CACNG8: variants seen among roughly 807,000 people sequenced by gnomAD.
The protein encoded by CACNG8 is calcium voltage-gated channel auxiliary subunit gamma 8.
CACNG8 carries 5 observed loss-of-function variants against 26.9 expected under a neutral mutation model. The ratio of observed to expected loss-of-function variants is 0.19; its 90% CI spans 0.10 to 0.39. The LOEUF (loss-of-function observed/expected upper bound fraction) is 0.39. Ranked by LOEUF, CACNG8 falls within the 10% of genes least tolerant of loss-of-function variation. The pLI is 1.00. For synonymous variants in CACNG8, 321 were observed against 296.7 expected (o/e 1.08, Z -0.84); for missense variants, 473 against 609.4 (o/e 0.78, Z 2.36).
intron 1 of CACNG8, among the ~76,000 whole-genome samples, chr19:53,966,417 T>C (rs956124296): frequency 2.6e-5 from 4 of 152,016 alleles, no homozygotes; most frequent in Non-Finnish European, 5.9e-5. Flanking sequence ...GTTTTGTTTT[T>C]CTTTTTTTGT....
intron 3 of CACNG8, among the ~76,000 whole-genome samples, chr19:53,980,256 G>T (rs75921140): frequency 6.6e-6 from 1 of 152,068 alleles, no homozygotes; most frequent in Non-Finnish European, 1.5e-5. Flanking sequence ...AACCGACACA[G>T]GCAGGTGTCT....
chr19:53,979,124 G>C (rs1217540098), intron 2 of CACNG8, among the ~76,000 whole-genome samples: 2 of 143,822 alleles, frequency 1.4e-5, no homozygotes, highest in African/African-American at 2.5e-5. Context: ...GGTGGGGGTG[G>C]CTAGGAAGAC....
At chr19:53,978,897 G>T (rs982512221) in intron 2 of CACNG8, among the ~76,000 whole-genome samples, 1 of 146,052 alleles carries the variant, frequency 6.8e-6, no homozygotes, top group African/African-American at 2.5e-5. Flanking sequence ...GAAGGGAGAG[G>T]AAGGGAGTGA....
chr19:53,981,272 A>G (rs2069366175), intron 3 of CACNG8, among the ~76,000 whole-genome samples: 1 of 152,104 alleles, frequency 6.6e-6, no homozygotes, highest in African/African-American at 2.4e-5. Flanking sequence ...TTATAACGTT[A>G]AGGGTGGAGG....
At chr19:53,981,428 C>T (rs1164491608) in intron 3 of CACNG8, among the ~76,000 whole-genome samples, 3 of 151,522 alleles carry the variant, frequency 2.0e-5, no homozygotes, top group South Asian at 2.1e-4. Flanking sequence ...TACCACCAGC[C>T]AGGGTGGGGT....
chr19:53,981,010 G>A (rs927063293), intron 3 of CACNG8, among the ~76,000 whole-genome samples: 21 of 152,042 alleles, frequency 1.4e-4, no homozygotes, highest in African/African-American at 4.8e-4. Context: ...ACCCGAGACC[G>A]GCAAGGACCC....
In CACNG8 at chr19:53,963,116, A is replaced by C; in HGVS notation, c.-27A>C. 3 of 1,290,436 alleles carry C rather than the reference A, an allele frequency of 2.3e-6. No individual in the cohort carries two copies. The highest frequency in any genetic ancestry group is 3.0e-6 in the Non-Finnish European group (3 of 1,003,808). 79.9% of individuals were successfully genotyped at this position (1,290,436 alleles called of 1,614,324 possible). The stretch of plus-strand genomic sequence containing the variant: ...GCCCCCGCTGCCCCGGTGGTGGCCC[A>C]CGGCCCCCCGGCTGCCCGTGGTCAA... On this transcript the variant is annotated 5_prime_UTR_variant, in exon 1 of 4. Transcript: ENST00000270458.
intron 1 of CACNG8, among the ~76,000 whole-genome samples, chr19:53,972,061 A>G (rs2069305724): frequency 6.7e-6 from 1 of 150,084 alleles, no homozygotes. Context: ...CTGGCGTGAT[A>G]TCGGCTCACT....
intron 1 of CACNG8, among the ~76,000 whole-genome samples, chr19:53,976,165 G>A (rs2069329449): frequency 6.6e-6 from 1 of 152,160 alleles, no homozygotes; most frequent in Non-Finnish European, 1.5e-5. Flanking sequence ...GGCAAAGTGG[G>A]CAACATGGGG....
Position 53,988,271 on chromosome 19 carries a change from AGTGTGTGTGTGTGTGT to A in CACNG8, c.*5441_*5456del, listed in dbSNP as rs57220250. On this transcript the variant is annotated 3_prime_UTR_variant, in exon 4 of 4. Coordinates refer to ENST00000270458, the MANE Select transcript of CACNG8 (RefSeq NM_031895.6). ...GACAGAAGGAAAGGGAATTCAGGCA[AGTGTGTGTGTGTGTGT>A]GTGTGTGTGTGTGTGTGTAACTGAC... 2.1e-5 allele frequency: 3 copies of A among 144,250 alleles called. No individual in the cohort carries two copies. Among genetic ancestry groups the A allele is most frequent in the Admixed American group, 1.4e-4 (2 of 14,446 alleles). The allele number at this position is 144,250 out of a possible 1,614,324, so 8.9% of individuals were successfully genotyped here.
chr19:53,974,951 A>AT (rs1255231120), intron 1 of CACNG8, among the ~76,000 whole-genome samples: 7 of 139,492 alleles, frequency 5.0e-5, no homozygotes, highest in East Asian at 2.2e-4. Context: ...ATTTTATTTT[A>AT]TTTTTTTATT....
chr19:53,978,621 TA>T lies in CACNG8; in HGVS notation c.367+393del, dbSNP rs1261877908. 2.6e-5 allele frequency among the ~76,000 whole-genome samples: 4 copies of T among 151,180 alleles called. No homozygotes were observed. In the East Asian group the frequency reaches 7.9e-4, roughly 30 times the overall value. ...ACTGGGAGCCGGCTGGGAAAGCCTGTATTGCCATTGGTAGCTACCCCGAGAA... is the reference window on the plus strand; with the variant it reads ...ACTGGGAGCCGGCTGGGAAAGCCTGTTTGCCATTGGTAGCTACCCCGAGAA... On this transcript the variant is annotated intron_variant, in intron 2 of 3. Transcript: ENST00000270458.
intron 2 of CACNG8, among the ~76,000 whole-genome samples, chr19:53,979,595 G>A (rs1273781321): frequency 1.3e-5 from 2 of 151,242 alleles, no homozygotes; most frequent in Non-Finnish European, 2.9e-5. Context: ...ATAAAGAGGG[G>A]GAAAGATATT....
chr19:53,963,071 C>G lies in CACNG8; in HGVS notation c.-72C>G, dbSNP rs946762071. ...TTCTGCCTGCGCTGTGAACCCCCCC[C>G]CAGCCGCCGGCACGGCCCCGCCCCC... On this transcript the variant is annotated 5_prime_UTR_variant, in exon 1 of 4. Coordinates refer to ENST00000270458, the MANE Select transcript of CACNG8 (RefSeq NM_031895.6). 4.9e-6 allele frequency: 5 copies of G among 1,014,770 alleles called. No individual in the cohort carries two copies. Among genetic ancestry groups the G allele is most frequent in the Non-Finnish European group, 3.9e-6 (3 of 760,978 alleles). 62.9% of individuals were successfully genotyped at this position (1,014,770 alleles called of 1,614,324 possible). A position where few individuals can be genotyped will look rare whatever the true frequency, so the allele number is the denominator to read the frequency against.
chr19:53,983,028 A>T lies in CACNG8; in HGVS notation c.*179A>T, dbSNP rs1321027936. On this transcript the variant is annotated 3_prime_UTR_variant, in exon 4 of 4. Coordinates refer to ENST00000270458, the MANE Select transcript of CACNG8 (RefSeq NM_031895.6). ...CCCTCCGAAGCAGGGACCCCGAGGG[A>T]GGGGGCAGGGGAGGGAGGGGGCCGC... 1.9e-4 allele frequency: 21 copies of T among 108,140 alleles called. No homozygotes were observed. The highest frequency in any genetic ancestry group is 2.6e-4 in the Non-Finnish European group (17 of 65,894). 6.7% of individuals were successfully genotyped at this position (108,140 alleles called of 1,614,324 possible).
chr19:53,985,907 T>G lies in CACNG8; in HGVS notation c.*3058T>G. 1 of 145,946 alleles carries G rather than the reference T, an allele frequency of 6.9e-6. No homozygotes were observed. The highest frequency in any genetic ancestry group is 1.5e-5 in the Non-Finnish European group (1 of 67,096). The allele number at this position is 145,946 out of a possible 1,614,324, so 9.0% of individuals were successfully genotyped here. The stretch of plus-strand genomic sequence containing the variant: ...GGAGAGGGAACTGGTTAGGGGAGAA[T>G]GGATTCTAGAGTCTGAAGGCCAAAC... On this transcript the variant is annotated 3_prime_UTR_variant, in exon 4 of 4. Coordinates refer to ENST00000270458, the MANE Select transcript of CACNG8 (RefSeq NM_031895.6).
Position 53,963,133 on chromosome 19 carries a change from C to A in CACNG8, c.-10C>A, listed in dbSNP as rs575708501. 7 of 1,481,990 alleles carry A rather than the reference C, an allele frequency of 4.7e-6. No homozygotes were observed. The highest frequency in any genetic ancestry group is 5.7e-5 in the East Asian group (2 of 35,026). 91.8% of individuals were successfully genotyped at this position (1,481,990 alleles called of 1,614,324 possible). A position where few individuals can be genotyped will look rare whatever the true frequency, so the allele number is the denominator to read the frequency against. On this transcript the variant is annotated 5_prime_UTR_variant, in exon 1 of 4. Coordinates refer to ENST00000270458, the MANE Select transcript of CACNG8 (RefSeq NM_031895.6). ...GGTGGCCCACGGCCCCCCGGCTGCC[C>A]GTGGTCAAACTGGAGTCGCTGAAGC... is the stretch of plus-strand genomic sequence containing the variant.
In CACNG8 at chr19:53,988,079, G is replaced by T; in HGVS notation, c.*5230G>T. ...CAAGAAGGAGAGGAGACAGCCAGCT[G>T]TGCCAAGGGCTGCTGAGACTTGGAC... On this transcript the variant is annotated 3_prime_UTR_variant, in exon 4 of 4. Transcript: ENST00000270458. 6.6e-6 allele frequency: 1 copy of T among 152,618 alleles called. No individual in the cohort carries two copies. The allele number at this position is 152,618 out of a possible 1,614,324, so 9.5% of individuals were successfully genotyped here.
At chr19:53,979,504 GAGGA>G (rs1177655659) in intron 2 of CACNG8, among the ~76,000 whole-genome samples, 1 of 151,994 alleles carries the variant, frequency 6.6e-6, no homozygotes, top group African/African-American at 2.4e-5. Context: ...TCGCAGACGA[GAGGA>G]AGGAAGGGAC....
Sources: allele counts gnomAD v4.1 joint callset (sites outside exome capture counted in the v4.1 genomes callset), GRCh38; gene constraint gnomAD v4.1.1; transcripts MANE v1.5; gene names NCBI Gene and HGNC (gene_info 2026-07-23, HGNC 2026-07-21).